The following FAM184B variants were observed in gnomAD, a reference collection of about 807,000 sequenced individuals.
The protein encoded by FAM184B is protein FAM184B.
FAM184B carries 111 observed loss-of-function variants against 135.9 expected under a neutral mutation model. The ratio of observed to expected loss-of-function variants is 0.82; its 90% CI spans 0.70 to 0.96. FAM184B has a LOEUF of 0.96. FAM184B is among the 40% of genes least tolerant of loss of function. The pLI is 0.00. For synonymous variants in FAM184B, 552 were observed against 524.8 expected, an observed-to-expected ratio of 1.05 and a Z score of -0.71; for missense variants, 1,375 against 1,323.9, an observed-to-expected ratio of 1.04 and a Z score of -0.60.
intron 5 of FAM184B, among the ~76,000 whole-genome samples, chr4:17,699,035 T>C (rs774062648): frequency 2.6e-5 from 4 of 151,750 alleles, no homozygotes; most frequent in Non-Finnish European, 5.9e-5. Context: ...AAGGAAAACA[T>C]GAAAATAATG....
intron 1 of FAM184B, among the ~76,000 whole-genome samples, chr4:17,728,921 A>G (rs1182532809): frequency 6.6e-6 from 1 of 152,118 alleles, no homozygotes; most frequent in Non-Finnish European, 1.5e-5. Flanking sequence ...GGTACAGTGC[A>G]CCATGCGCGA....
intron 10 of FAM184B, 138 bp downstream of exon 10, chr4:17,658,212 A>G: frequency 2.4e-6 from 2 of 838,442 alleles, no homozygotes; most frequent in South Asian, 1.7e-5. Flanking sequence ...TTCATCTGGA[A>G]AAAGGGAATA....
intron 1 of FAM184B, among the ~76,000 whole-genome samples, chr4:17,742,200 G>T (rs1718063669): frequency 6.9e-6 from 1 of 145,182 alleles, no homozygotes; most frequent in African/African-American, 2.6e-5. Flanking sequence ...GGCCAAGGTG[G>T]TTCATGTCTG....
chr4:17,688,317 A>T, intron 7 of FAM184B, 107 bp downstream of exon 7: 1 of 762,720 alleles, frequency 1.3e-6, no homozygotes, highest in Non-Finnish European at 2.1e-6. Flanking sequence ...TGTCGAGGAG[A>T]GATGTAAAAG....
chr4:17,641,795 G>A (rs984100289), intron 13 of FAM184B, among the ~76,000 whole-genome samples: 30 of 151,732 alleles, frequency 2.0e-4, no homozygotes, highest in African/African-American at 7.3e-4. Flanking sequence ...ACCGCGCCCA[G>A]CCAGACTCCC....
chr4:17,719,580 A>G (rs1717472548), intron 1 of FAM184B, among the ~76,000 whole-genome samples: 1 of 152,222 alleles, frequency 6.6e-6, no homozygotes, highest in Non-Finnish European at 1.5e-5. Context: ...GGAAAGGATC[A>G]CATTGCTCCA....
At chr4:17,688,618 G>T in intron 6 of FAM184B, 87 bp from the exon 7 acceptor site, 1 of 1,014,592 alleles carries the variant, frequency 9.9e-7, no homozygotes, top group Non-Finnish European at 1.4e-6. Flanking sequence ...AATTCTCCTG[G>T]GTCAGTCTGT....
At chr4:17,697,270 T>C (rs1191889272) in intron 5 of FAM184B, among the ~76,000 whole-genome samples, 1 of 152,184 alleles carries the variant, frequency 6.6e-6, no homozygotes, top group African/African-American at 2.4e-5. Flanking sequence ...AGTTTCCAAG[T>C]TGAACATCTG....
In FAM184B at chr4:17,720,029, T is replaced by A. The variant is rs542457830; in HGVS notation, c.142-10385A>T. 3.5e-3 allele frequency among the ~76,000 whole-genome samples: 538 copies of A among 152,336 alleles called. 6 individuals carry two copies. Among genetic ancestry groups the A allele is most frequent in the South Asian group, 0.023 (113 of 4,826 alleles). ...CTTCTCATCTCTTTGGCTAGTTACA[T>A]CCTCCTCAACTCCCATCCTTCACAT... On this transcript the variant is annotated intron_variant, in intron 1 of 17. Coordinates refer to ENST00000265018, the MANE Select transcript of FAM184B (RefSeq NM_015688.2).
At chr4:17,739,555 G>GTTATTTTTTTTTTT (rs1717979952) in intron 1 of FAM184B, among the ~76,000 whole-genome samples, 1 of 62,510 alleles carries the variant, frequency 1.6e-5, no homozygotes, top group East Asian at 5.9e-4. Context: ...CATACCAACT[G>GTTATTTTTTTTTTT]TTTTTTTTTT....
intron 5 of FAM184B, among the ~76,000 whole-genome samples, chr4:17,698,695 G>A (rs979822): frequency 0.97 from 147,973 of 152,170 alleles, 72,075 homozygotes; most frequent in East Asian, 1. Context: ...AGAAAATTCT[G>A]CTCTAGACTC....
chr4:17,693,926 A>G (rs1447184118), intron 5 of FAM184B, among the ~76,000 whole-genome samples: 2 of 152,034 alleles, frequency 1.3e-5, no homozygotes, highest in Non-Finnish European at 2.9e-5. Context: ...AGCCCGAGCA[A>G]CATAGTGAGA....
chr4:17,654,969 A>G (rs1715748484), intron 10 of FAM184B, among the ~76,000 whole-genome samples: 1 of 152,088 alleles, frequency 6.6e-6, no homozygotes, highest in African/African-American at 2.4e-5. Context: ...CTCCCATCTC[A>G]GCGTCTTGAG....
intron 8 of FAM184B, among the ~76,000 whole-genome samples, chr4:17,661,636 C>T (rs2108942987): frequency 6.6e-6 from 1 of 152,120 alleles, no homozygotes; most frequent in East Asian, 1.9e-4. Flanking sequence ...TTAGTTTATC[C>T]TCAAGTCTTT....
intron 1 of FAM184B, among the ~76,000 whole-genome samples, chr4:17,727,224 G>A (rs1717662782): frequency 6.6e-6 from 1 of 152,114 alleles, no homozygotes; most frequent in Non-Finnish European, 1.5e-5. Context: ...CACATGAGAA[G>A]GACGTGTACA....
At chr4:17,696,590 T>C (rs1716863700) in intron 5 of FAM184B, among the ~76,000 whole-genome samples, 1 of 152,166 alleles carries the variant, frequency 6.6e-6, no homozygotes, top group Admixed American at 6.5e-5. Context: ...GGCAGGAGAA[T>C]TGTTTGAAGC....
chr4:17,646,442 A>G (rs1217325046), intron 12 of FAM184B, among the ~76,000 whole-genome samples: 1 of 152,256 alleles, frequency 6.6e-6, no homozygotes, highest in African/African-American at 2.4e-5. Flanking sequence ...GACATGGATG[A>G]AGCTGGAAAC....
In FAM184B at chr4:17,638,197, T is replaced by C. The variant is rs955148604; in HGVS notation, c.2666+1053A>G. On this transcript the variant is annotated intron_variant, in intron 14 of 17. Transcript: ENST00000265018. Reference sequence around the variant, plus strand: ...GTCTATTTTTTTTGTTTTGTTTTGTTTTGTTTTGAGACAGAGTTTCTCTCT... The same window carrying C: ...GTCTATTTTTTTTGTTTTGTTTTGTCTTGTTTTGAGACAGAGTTTCTCTCT... Among the ~76,000 whole-genome samples, 5 of 147,532 alleles carry C rather than the reference T, an allele frequency of 3.4e-5. No individual in the cohort carries two copies. In the East Asian group the frequency reaches 6.1e-4, roughly 18 times the overall value.
intron 1 of FAM184B, among the ~76,000 whole-genome samples, chr4:17,780,325 G>A (rs186715448): frequency 4.6e-5 from 7 of 152,238 alleles, no homozygotes; most frequent in Non-Finnish European, 7.4e-5. Context: ...TTATGAGACC[G>A]AAAGGAAACC....
Sources: gnomAD v4.1 joint callset for allele counts (sites outside exome capture counted in the v4.1 genomes callset) on GRCh38, gnomAD v4.1.1 for gene constraint, MANE v1.5 for transcripts, NCBI Gene and HGNC (gene_info 2026-07-23, HGNC 2026-07-21) for gene names.